ATP6V0A4: variants seen among roughly 807,000 people sequenced by gnomAD.
ATP6V0A4 encodes V-type proton ATPase 116 kDa subunit a 4.
In ATP6V0A4, 86 loss-of-function variants were observed where a neutral mutation model predicts 107.3. The observed-to-expected ratio is 0.80, with a 90% confidence interval of 0.67 to 0.96. The LOEUF (loss-of-function observed/expected upper bound fraction) is 0.96. Among genes scored for constraint, ATP6V0A4 ranks in the 40% least tolerant of loss-of-function variants. The pLI is 0.00. For synonymous variants in ATP6V0A4, 353 were observed against 381.4 expected (o/e 0.93, Z 0.87); for missense variants, 908 against 1,045.6 (o/e 0.87, Z 1.81).
chr7:138,758,739 ATTTTTTTTTTTTT>A (rs398006555), intron 8 of ATP6V0A4, among the ~76,000 whole-genome samples: 3 of 59,202 alleles, frequency 5.1e-5, no homozygotes, highest in Admixed American at 3.3e-4. Flanking sequence ...CTGACTCAGA[ATTTTTTTTTTTTT>A]TTTTTTTTTT....
chr7:138,762,592 G>A (rs1806879548), intron 6 of ATP6V0A4, 158 bp from the exon 7 acceptor site: 1 of 864,436 alleles, frequency 1.2e-6, no homozygotes, highest in Admixed American at 6.2e-5. Flanking sequence ...AGATCAAAAA[G>A]CTTCCCTGGT....
At chr7:138,748,214 C>T (rs190511299) in intron 12 of ATP6V0A4, among the ~76,000 whole-genome samples, 1 of 152,232 alleles carries the variant, frequency 6.6e-6, no homozygotes, top group Non-Finnish European at 1.5e-5. Context: ...ATACTCTTCT[C>T]CACACCCATC....
intron 12 of ATP6V0A4, among the ~76,000 whole-genome samples, chr7:138,748,841 C>T (rs535257868): frequency 9.2e-5 from 14 of 152,250 alleles, no homozygotes; most frequent in Admixed American, 5.9e-4. Flanking sequence ...AGATATGGCC[C>T]TCATTGTATT....
Position 138,797,974 on chromosome 7 carries a change from A to G in ATP6V0A4, c.-121+60T>C, listed in dbSNP as rs1292017345. The G allele has an allele frequency of 3.2e-6, 5 of 1,543,780 alleles. No individual in the cohort carries two copies. In the Admixed American group the frequency reaches 7.9e-5, roughly 24 times the overall value. ...CCCATGGTGTTTCCCCCAAACACCC[A>G]GCATAAGTTCACCTCTGGCAGAGTT... On this transcript the variant is annotated intron_variant, in intron 1 of 21. Transcript: ENST00000310018.
chr7:138,749,468 T>TAG, intron 11 of ATP6V0A4, 151 bp from the exon 12 acceptor site: 1 of 790,418 alleles, frequency 1.3e-6, no homozygotes, highest in South Asian at 1.8e-5. Flanking sequence ...ACCTTATGTG[T>TAG]AGAGAGTTAA....
chr7:138,713,591 C>T (rs900080839), intron 20 of ATP6V0A4, among the ~76,000 whole-genome samples: 3 of 152,090 alleles, frequency 2.0e-5, no homozygotes, highest in Admixed American at 2.0e-4. Flanking sequence ...ACAGGCTAAT[C>T]AAGACAATTA....
intron 10 of ATP6V0A4, 83 bp downstream of exon 10, chr7:138,755,606 T>C: frequency 6.3e-7 from 1 of 1,586,698 alleles, no homozygotes; most frequent in Non-Finnish European, 8.6e-7. Flanking sequence ...GCAAGGGCCC[T>C]GGGGGGCAGG....
At chr7:138,754,448 C>CA (rs978640948) in intron 10 of ATP6V0A4, among the ~76,000 whole-genome samples, 1,844 of 73,304 alleles carry the variant, frequency 0.025, 40 homozygotes, top group African/African-American at 0.074. Context: ...AACTCCATCT[C>CA]AAAAAAAAAA....
intron 16 of ATP6V0A4, among the ~76,000 whole-genome samples, 182 bp downstream of exon 16, chr7:138,733,954 C>T (rs750444530): frequency 3.9e-5 from 6 of 152,018 alleles, no homozygotes; most frequent in Non-Finnish European, 7.4e-5. Context: ...TCAGGAGAAA[C>T]GGAGGTGCTG....
At chr7:138,741,934 G>A (rs1805652747) in intron 14 of ATP6V0A4, among the ~76,000 whole-genome samples, 1 of 152,316 alleles carries the variant, frequency 6.6e-6, no homozygotes, top group Middle Eastern at 3.4e-3. Context: ...ACATATGGCT[G>A]AGCATTGCTC....
chr7:138,770,712 G>C, intron 3 of ATP6V0A4, among the ~76,000 whole-genome samples: 1 of 152,190 alleles, frequency 6.6e-6, no homozygotes, highest in East Asian at 1.9e-4. Flanking sequence ...TCCCGGGTAT[G>C]ACAACCAACT....
At chr7:138,734,469 A>G in intron 15 of ATP6V0A4, 1 of 266,182 alleles carries the variant, frequency 3.8e-6, no homozygotes, top group Non-Finnish European at 5.8e-6. Context: ...TAACAGGATC[A>G]TTAGTGCTAT....
At chr7:138,707,016 C>T (rs908356455) in intron 21 of ATP6V0A4, among the ~76,000 whole-genome samples, 42 of 135,012 alleles carry the variant, frequency 3.1e-4, no homozygotes, top group Non-Finnish European at 5.6e-4. Context: ...CTGTCTCAGC[C>T]TCCTGAGTAG....
chr7:138,723,055 CAAAAA>C (rs34685977), intron 18 of ATP6V0A4, among the ~76,000 whole-genome samples: 2 of 122,416 alleles, frequency 1.6e-5, no homozygotes, highest in Non-Finnish European at 3.4e-5. Context: ...GAGACTGTCT[CAAAAA>C]AAAAAAAAAA....
At chr7:138,792,803 AAC>A (rs1326695773) in intron 1 of ATP6V0A4, among the ~76,000 whole-genome samples, 11 of 138,930 alleles carry the variant, frequency 7.9e-5, no homozygotes, top group Non-Finnish European at 1.5e-5. Context: ...TTTTTGTAGC[AAC>A]AGAGTTTCAC....
chr7:138,788,507 C>A (rs1235224783), intron 1 of ATP6V0A4, among the ~76,000 whole-genome samples: 1 of 152,176 alleles, frequency 6.6e-6, no homozygotes, highest in Non-Finnish European at 1.5e-5. Context: ...TAGTAAGAAA[C>A]CAATCCCTTG....
At chr7:138,728,614 C>T (rs951688655) in intron 18 of ATP6V0A4, 147 bp downstream of exon 18, 14 of 1,109,968 alleles carry the variant, frequency 1.3e-5, no homozygotes, top group African/African-American at 7.8e-5. Context: ...CTCCACAGAA[C>T]GAAACATACT....
chr7:138,733,874 C>G (rs902618556), intron 16 of ATP6V0A4, among the ~76,000 whole-genome samples: 2 of 152,138 alleles, frequency 1.3e-5, no homozygotes, highest in African/African-American at 4.8e-5. Context: ...CCGCACCTGG[C>G]CTCCAGTCTT....
At chr7:138,707,068 A>ATATGTGTGTGTG (rs1554385692) in intron 21 of ATP6V0A4, among the ~76,000 whole-genome samples, 1 of 90,094 alleles carries the variant, frequency 1.1e-5, no homozygotes, top group African/African-American at 5.1e-5. Flanking sequence ...GCTAATTTAT[A>ATATGTGTGTGTG]TGTGTGTGTG....
Sources: allele counts gnomAD v4.1 joint callset (sites outside exome capture counted in the v4.1 genomes callset), GRCh38; gene constraint gnomAD v4.1.1; transcripts MANE v1.5; gene names NCBI Gene and HGNC (gene_info 2026-07-23, HGNC 2026-07-21).